Variants in FRMPD2 observed in about 807,000 individuals in gnomAD.
FRMPD2 encodes FERM and PDZ domain-containing protein 2.
A neutral mutation model predicts 140.1 loss-of-function variants in FRMPD2; 96 were observed. The observed-to-expected ratio is 0.69, with a 90% CI of 0.58 to 0.81. The LOEUF (loss-of-function observed/expected upper bound fraction) is 0.81, where lower values mean the gene tolerates loss of function less well. Among genes scored for constraint, FRMPD2 ranks in the 40% least tolerant of loss-of-function variants. The pLI is 0.00. For missense variants in FRMPD2, 1,240 were observed against 1,447.4 expected, an observed-to-expected ratio of 0.86 and a Z score of 2.32; for synonymous variants, 449 against 547.6, an observed-to-expected ratio of 0.82 and a Z score of 2.52.
chr10:48,205,695 T>G (rs979750982), intron 14 of FRMPD2, among the ~76,000 whole-genome samples: 1 of 152,194 alleles, frequency 6.6e-6, no homozygotes, highest in Non-Finnish European at 1.5e-5. Context: ...TGAAAAAAAG[T>G]CAATTTCCTG....
chr10:48,255,450 T>C (rs1840470101), intron 1 of FRMPD2, among the ~76,000 whole-genome samples: 1 of 152,150 alleles, frequency 6.6e-6, no homozygotes, highest in Admixed American at 6.5e-5. Context: ...CTGAGCTTCA[T>C]CTGTGAGGCT....
intron 13 of FRMPD2, among the ~76,000 whole-genome samples, chr10:48,209,326 C>T (rs1035066745): frequency 2.0e-5 from 3 of 152,204 alleles, no homozygotes; most frequent in Non-Finnish European, 2.9e-5. Context: ...TAGGAAAACA[C>T]TGAATTCACC....
chr10:48,219,514 C>T (rs762702220), intron 12 of FRMPD2, among the ~76,000 whole-genome samples: 1 of 152,136 alleles, frequency 6.6e-6, no homozygotes, highest in Non-Finnish European at 1.5e-5. Flanking sequence ...TCACACTGCT[C>T]GGTCTCTGTT....
intron 1 of FRMPD2, among the ~76,000 whole-genome samples, chr10:48,252,961 A>G (rs1444843349): frequency 1.3e-5 from 2 of 151,052 alleles, no homozygotes; most frequent in African/African-American, 2.4e-5. Flanking sequence ...AGACTTATGG[A>G]CTAGGCATTC....
At chr10:48,255,939 C>G (rs541972627) in intron 1 of FRMPD2, among the ~76,000 whole-genome samples, 4 of 152,278 alleles carry the variant, frequency 2.6e-5, no homozygotes, top group Middle Eastern at 3.4e-3. Context: ...TGGGCGGGTC[C>G]CATCTGCCCG....
chr10:48,215,542 G>A (rs1839426125), intron 12 of FRMPD2, among the ~76,000 whole-genome samples: 1 of 152,240 alleles, frequency 6.6e-6, no homozygotes, highest in Non-Finnish European at 1.5e-5. Flanking sequence ...CCCAGAGCAG[G>A]CCTCCCATAA....
intron 1 of FRMPD2, among the ~76,000 whole-genome samples, chr10:48,269,751 A>G (rs1840735955): frequency 6.6e-6 from 1 of 152,228 alleles, no homozygotes; most frequent in African/African-American, 2.4e-5. Context: ...ACCATTAAAA[A>G]TACTGGTTAG....
Position 48,242,261 on chromosome 10 carries a change from T to A in FRMPD2, c.467A>T (p.Glu156Val). The stretch of plus-strand genomic sequence containing the variant: ...TTCTTTCTCATGAACCCGACAAGCT[T>A]CCAGAACCGACTGCAACGTGCACCG... ...HRRCTLQSVL[E>V]ACRVHEKEVS... Residue 156 changes from glutamate (E) to valine (V), a missense_variant, in exon 5 of 29, where the codon GAA becomes GTA. This residue lies in a region of FRMPD2 where 1,161 missense variants were observed against 1,055.9 expected (regional missense o/e 1.10). Coordinates refer to ENST00000374201, the MANE Select transcript of FRMPD2 (RefSeq NM_001018071.4). 6.2e-7 allele frequency: 1 copy of A among 1,614,038 alleles called. No homozygotes were observed. Among genetic ancestry groups the A allele is most frequent in the East Asian group, 2.2e-5 (1 of 44,862 alleles).
Position 48,245,797 on chromosome 10 carries a change from G to GCA in FRMPD2, c.310-950_310-949dup, listed in dbSNP as rs564569766. On this transcript the variant is annotated intron_variant, in intron 3 of 28. Transcript: ENST00000374201. ...TGGGGCTTCTATTATAACTGACAAG[G>GCA]CACATTTCCCTTAAGATCTCTCTTC... 3.3e-4 allele frequency among the ~76,000 whole-genome samples: 50 copies of GCA among 152,232 alleles called. No individual in the cohort carries two copies. The South Asian group carries it at 6.7e-3, about 20-fold the overall frequency.
At chr10:48,216,309 T>C (rs1300922323) in intron 12 of FRMPD2, among the ~76,000 whole-genome samples, 1 of 151,926 alleles carries the variant, frequency 6.6e-6, no homozygotes, top group Non-Finnish European at 1.5e-5. Context: ...GATAGATAGA[T>C]AGATAGATAG....
At chr10:48,219,154 G>T (rs1333307001) in intron 12 of FRMPD2, among the ~76,000 whole-genome samples, 2 of 152,144 alleles carry the variant, frequency 1.3e-5, no homozygotes, top group Non-Finnish European at 2.9e-5. Context: ...CCAGTTCTTA[G>T]GATCTCAAGG....
At chr10:48,212,722 C>T (rs1045771071) in intron 12 of FRMPD2, among the ~76,000 whole-genome samples, 13 of 152,110 alleles carry the variant, frequency 8.5e-5, no homozygotes, top group African/African-American at 2.9e-4. Flanking sequence ...AGACTGGATA[C>T]CCCCAGCCCA....
At chr10:48,161,279 C>T (rs1837933965) in intron 28 of FRMPD2, among the ~76,000 whole-genome samples, 1 of 150,364 alleles carries the variant, frequency 6.7e-6, no homozygotes, top group African/African-American at 2.5e-5. Flanking sequence ...AAGGAGCAGT[C>T]CCTCCAAGAA....
Position 48,222,408 on chromosome 10 carries a change from C to A in FRMPD2, c.1360G>T (p.Asp454Tyr). The change falls in exon 12 of 29, where the codon GAT becomes TAT. Residue 454 changes from aspartate (D) to tyrosine (Y), a missense_variant. Transcript: ENST00000374201. ...CAGTACAGCCTCTCCTCCAGGATAT[C>A]TTTCCGAAGCTGCAGGTAAAACTGG... Reference protein sequence around the residue: ...RHQFYLQLRKDILEERLYCNE... With the variant: ...RHQFYLQLRKYILEERLYCNE... 6.2e-7 allele frequency: 1 copy of A among 1,614,132 alleles called. No individual in the cohort carries two copies. Among genetic ancestry groups the A allele is most frequent in the Non-Finnish European group, 8.5e-7 (1 of 1,179,994 alleles).
chr10:48,188,705 T>C (rs1838754149), intron 16 of FRMPD2, among the ~76,000 whole-genome samples: 1 of 152,216 alleles, frequency 6.6e-6, no homozygotes, highest in Non-Finnish European at 1.5e-5. Flanking sequence ...AGAGAGGCGA[T>C]GATGCTGAGG....
rs1385973812 is a variant in FRMPD2, at chr10:48,222,132, GGA to G, written c.1455+179_1455+180del. On this transcript the variant is annotated intron_variant, in intron 12 of 28. Coordinates refer to ENST00000374201, the MANE Select transcript of FRMPD2 (RefSeq NM_001018071.4). The stretch of plus-strand genomic sequence containing the variant: ...TGGATGAATCAATGAATAGGTGGAT[GGA>G]TGGATGGATGGATGGATGGATGGAT... 3.6e-4 allele frequency among the ~76,000 whole-genome samples: 54 copies of G among 148,870 alleles called. No homozygotes were observed. In the East Asian group the frequency reaches 0.01, roughly 29 times the overall value.
chr10:48,225,481 T>C (rs192850374), intron 10 of FRMPD2, among the ~76,000 whole-genome samples: 1 of 152,300 alleles, frequency 6.6e-6, no homozygotes. Context: ...TGATGTCAAC[T>C]CCTGCAATAA....
At position 48,200,336 on chromosome 10, in the gene FRMPD2, A is replaced by G. The variant is rs1839056226; in HGVS notation, c.1954+892T>C. Reference sequence around the variant, plus strand: ...CAATCAGAGCTCACCTGCCTCCTCGAATCAGGGCTCAGCTGTATCAACTAG... The same window carrying G: ...CAATCAGAGCTCACCTGCCTCCTCGGATCAGGGCTCAGCTGTATCAACTAG... On this transcript the variant is annotated intron_variant, in intron 15 of 28. Coordinates refer to ENST00000374201, the MANE Select transcript of FRMPD2 (RefSeq NM_001018071.4). Among the ~76,000 whole-genome samples the G allele has an allele frequency of 2.6e-5, 4 of 152,142 alleles. No individual in the cohort carries two copies. In the South Asian group the frequency reaches 8.3e-4, roughly 32 times the overall value.
chr10:48,191,800 C>T (rs954471468), intron 16 of FRMPD2, among the ~76,000 whole-genome samples: 1 of 152,106 alleles, frequency 6.6e-6, no homozygotes, highest in African/African-American at 2.4e-5. Flanking sequence ...ATTTATGAAT[C>T]GTTTTGTCAT....
Sources: gnomAD v4.1 joint callset for allele counts (sites outside exome capture counted in the v4.1 genomes callset) on GRCh38, gnomAD v4.1.1 for gene constraint, gnomAD v4.1.1 regional missense constraint, MANE v1.5 for transcripts, NCBI Gene and HGNC (gene_info 2026-07-23, HGNC 2026-07-21) for gene names.